Variants in ATP2B2 observed in about 807,000 individuals in gnomAD.
The protein encoded by ATP2B2 is plasma membrane calcium-transporting ATPase 2.
A neutral mutation model predicts 120.0 loss-of-function variants in ATP2B2; 15 were observed. That is an observed-to-expected ratio of 0.12 (90% confidence interval 0.08 to 0.19). The LOEUF (loss-of-function observed/expected upper bound fraction) is 0.19, where lower values mean the gene tolerates loss of function less well. Among genes scored for constraint, ATP2B2 ranks in the 10% least tolerant of loss-of-function variants. The pLI is 1.00. For synonymous variants in ATP2B2, 694 were observed against 700.3 expected, an observed-to-expected ratio of 0.99 and a Z score of 0.14; for missense variants, 1,045 against 1,719.8, an observed-to-expected ratio of 0.61 and a Z score of 6.94.
At chr3:10,606,466 G>T (rs568777489) in intron 2 of ATP2B2, among the ~76,000 whole-genome samples, 1 of 152,276 alleles carries the variant, frequency 6.6e-6, no homozygotes, top group Admixed American at 6.5e-5. Flanking sequence ...GGAGTTAAAA[G>T]CCAGGATTAA....
At chr3:10,372,985 C>T (rs929482879) in intron 11 of ATP2B2, among the ~76,000 whole-genome samples, 7 of 152,182 alleles carry the variant, frequency 4.6e-5, no homozygotes, top group Admixed American at 3.9e-4. Flanking sequence ...CTCATTATAA[C>T]TCTTTATAAC....
intron 1 of ATP2B2, among the ~76,000 whole-genome samples, chr3:10,684,176 T>C (rs1229468053): frequency 2.6e-5 from 4 of 152,164 alleles, no homozygotes; most frequent in Middle Eastern, 3.2e-3. Flanking sequence ...TCTAAAGGGA[T>C]GGCACATGAC....
chr3:10,397,446 C>T (rs1451672547), intron 5 of ATP2B2, among the ~76,000 whole-genome samples: 11 of 152,122 alleles, frequency 7.2e-5, no homozygotes, highest in African/African-American at 1.2e-4. Flanking sequence ...AACACCATGA[C>T]GAGGCTGTGT....
At position 10,695,970 on chromosome 3, in the gene ATP2B2, A is replaced by G. The variant is rs1004955968; in HGVS notation, c.-460+11945T>C. Among the ~76,000 whole-genome samples, 5 of 152,178 alleles carry G rather than the reference A, an allele frequency of 3.3e-5. No individual in the cohort carries two copies. In the East Asian group the frequency reaches 7.7e-4, roughly 23 times the overall value. On this transcript the variant is annotated intron_variant, in intron 1 of 21. Transcript: ENST00000646379. The stretch of plus-strand genomic sequence containing the variant: ...TTGGTTGCAACATACAAAGTCCCAC[A>G]TAAGTTCCCCACCTCAATCCCAGCC...
chr3:10,593,543 C>T (rs1200501102), intron 2 of ATP2B2, among the ~76,000 whole-genome samples: 2 of 152,294 alleles, frequency 1.3e-5, no homozygotes, highest in South Asian at 2.1e-4. Context: ...CCCTTCCTTA[C>T]ACCTTATACA....
intron 5 of ATP2B2, among the ~76,000 whole-genome samples, chr3:10,389,091 A>G (rs2061769353): frequency 6.6e-6 from 1 of 152,246 alleles, no homozygotes; most frequent in Non-Finnish European, 1.5e-5. Context: ...TGCTGCAAGA[A>G]AGGTTAAGAA....
At chr3:10,513,567 T>C (rs893281540) in intron 3 of ATP2B2, among the ~76,000 whole-genome samples, 1 of 152,146 alleles carries the variant, frequency 6.6e-6, no homozygotes, top group African/African-American at 2.4e-5. Flanking sequence ...AGCACAGTCA[T>C]GTCTTGCCTT....
At chr3:10,461,127 G>T (rs2064471081) in intron 1 of ATP2B2, among the ~76,000 whole-genome samples, 2 of 152,232 alleles carry the variant, frequency 1.3e-5, no homozygotes, top group African/African-American at 4.8e-5. Context: ...GGATTCAAAG[G>T]AGTGAGGAAA....
chr3:10,361,185 T>C (rs553190674), intron 12 of ATP2B2, among the ~76,000 whole-genome samples: 2 of 152,324 alleles, frequency 1.3e-5, no homozygotes, highest in African/African-American at 2.4e-5. Flanking sequence ...ACTGCTATTT[T>C]TGAATGTCAA....
intron 1 of ATP2B2, among the ~76,000 whole-genome samples, chr3:10,629,489 C>T (rs898582370): frequency 3.9e-5 from 6 of 152,240 alleles, no homozygotes; most frequent in African/African-American, 1.4e-4. Flanking sequence ...GAGGGCCTTC[C>T]GTGTGCCACA....
At chr3:10,594,082 G>A (rs1361397674) in intron 2 of ATP2B2, among the ~76,000 whole-genome samples, 1 of 152,212 alleles carries the variant, frequency 6.6e-6, no homozygotes, top group Non-Finnish European at 1.5e-5. Flanking sequence ...TGCTGGAGAG[G>A]ATGTGGAGAA....
intron 1 of ATP2B2, among the ~76,000 whole-genome samples, chr3:10,482,056 T>G (rs920192346): frequency 3.5e-5 from 5 of 144,756 alleles, no homozygotes; most frequent in Admixed American, 2.0e-4. Context: ...CAGACAAACC[T>G]GGACACGTTA....
chr3:10,358,630 C>A, intron 14 of ATP2B2, 61 bp downstream of exon 14: 1 of 1,549,396 alleles, frequency 6.5e-7, no homozygotes. Flanking sequence ...TCCAGGTCAC[C>A]CTGGTGGCTG....
intron 1 of ATP2B2, among the ~76,000 whole-genome samples, chr3:10,628,625 A>G (rs1406932578): frequency 6.6e-6 from 1 of 152,216 alleles, no homozygotes; most frequent in Non-Finnish European, 1.5e-5. Context: ...CACTGTTTAC[A>G]ATCTCCTTTC....
chr3:10,576,301 T>G (rs1442936069), intron 2 of ATP2B2, among the ~76,000 whole-genome samples: 1 of 152,186 alleles, frequency 6.6e-6, no homozygotes, highest in African/African-American at 2.4e-5. Flanking sequence ...CACTCCACAC[T>G]CCGAGGCTTC....
chr3:10,555,992 G>T (rs994145000), intron 2 of ATP2B2, among the ~76,000 whole-genome samples: 1 of 152,150 alleles, frequency 6.6e-6, no homozygotes, highest in African/African-American at 2.4e-5. Flanking sequence ...TCTGCCTCCC[G>T]GGTTCAAGCA....
chr3:10,406,347 C>T (rs560301888), intron 3 of ATP2B2, among the ~76,000 whole-genome samples: 18 of 152,310 alleles, frequency 1.2e-4, no homozygotes, highest in Middle Eastern at 3.4e-3. Context: ...AACAGTGTCA[C>T]GGCTGGACAA....
In ATP2B2 at chr3:10,654,554, G is replaced by C. The variant is rs114955906; in HGVS notation, c.-459-34593C>G. On this transcript the variant is annotated intron_variant, in intron 1 of 21. Coordinates refer to the ATP2B2 transcript ENST00000646379. ...TGCAGGTCCTGAAAGAAAGGGTGGG[G>C]ACCTCCCAGGAAGATGTGGAAGAGG... Among the ~76,000 whole-genome samples, 650 of 152,156 alleles carry C rather than the reference G, an allele frequency of 4.3e-3. 3 individuals carry two copies. The highest frequency in any genetic ancestry group is 0.015 in the African/African-American group (616 of 41,520).
intron 2 of ATP2B2, among the ~76,000 whole-genome samples, chr3:10,610,153 ATATG>A (rs148212635): frequency 0.16 from 23,101 of 140,988 alleles, 1,843 homozygotes; most frequent in South Asian, 0.27. Flanking sequence ...ATATATATAT[ATATG>A]ACAGGAAAAA....
Sources: allele counts gnomAD v4.1 joint callset (sites outside exome capture counted in the v4.1 genomes callset), GRCh38; gene constraint gnomAD v4.1.1; transcripts MANE v1.5; gene names NCBI Gene and HGNC (gene_info 2026-07-23, HGNC 2026-07-21).